DDX25: variants seen among roughly 807,000 people sequenced by gnomAD.
The protein encoded by DDX25 is ATP-dependent RNA helicase DDX25.
Under a neutral mutation model 64.6 loss-of-function variants are expected in DDX25, and 70 were observed. The observed-to-expected ratio is 1.08, with a 90% CI of 0.89 to 1.32. The LOEUF is 1.32. Among genes scored for constraint, DDX25 ranks in the 40% most tolerant of loss-of-function variants. DDX25 has a pLI of 0.00. For synonymous variants in DDX25, 211 were observed against 213.3 expected, an observed-to-expected ratio of 0.99 and a Z score of 0.09; for missense variants, 587 against 604.4, an observed-to-expected ratio of 0.97 and a Z score of 0.30.
In DDX25 at chr11:125,911,611, T is replaced by C. The variant is rs79008523; in HGVS notation, c.800+123T>C. 555 of 1,074,520 alleles carry C rather than the reference T, an allele frequency of 5.2e-4. 7 individuals carry two copies. In the East Asian group the frequency reaches 0.014, roughly 27 times the overall value. The allele number at this position is 1,074,520 out of a possible 1,614,324, so 66.6% of individuals were successfully genotyped here. On this transcript the variant is annotated intron_variant, in intron 8 of 11. Coordinates refer to ENST00000263576, the MANE Select transcript of DDX25 (RefSeq NM_013264.5). ...ACCACCTTCACCTCTAAAATAAATT[T>C]GAGTTTTTACATTATTTTCACCAGT...
chr11:125,912,218 A>G (rs1944976415), intron 8 of DDX25, among the ~76,000 whole-genome samples: 1 of 152,102 alleles, frequency 6.6e-6, no homozygotes, highest in South Asian at 2.1e-4. Flanking sequence ...ATGTATAGTC[A>G]TTGTCAACTG....
In DDX25 at chr11:125,921,294, G is replaced by A. The variant is rs548133056; in HGVS notation, c.1305G>A (p.Thr435=). Reference sequence around the variant, plus strand: ...CCTACCTCCACCGCATAGGGCGGACGGGGCGCTTTGGGAAAAAAGGCCTTG... The same window carrying A: ...CCTACCTCCACCGCATAGGGCGGACAGGGCGCTTTGGGAAAAAAGGCCTTG... ...YETYLHRIGR[T]GRFGKKGLAF... Residue 435 remains threonine, a synonymous_variant, in exon 11 of 12, where the codon ACG becomes ACA. Transcript: ENST00000263576. The surrounding 1 kb of genome is among the most constrained non-coding windows in gnomAD (Gnocchi z 4.1). The A allele has an allele frequency of 7.4e-6, 12 of 1,613,558 alleles. No homozygotes were observed. The highest frequency in any genetic ancestry group is 5.3e-5 in the African/African-American group (4 of 75,024).
chr11:125,920,749 CA>C (rs1402728821), intron 10 of DDX25, among the ~76,000 whole-genome samples: 1 of 152,094 alleles, frequency 6.6e-6, no homozygotes, highest in African/African-American at 2.4e-5. Flanking sequence ...GGCAAGGGCT[CA>C]AAAGACCTGA....
At position 125,926,222 on chromosome 11, in the gene DDX25, A is replaced by G. The variant is rs1190042253; in HGVS notation, c.*3341A>G. 6.6e-6 allele frequency: 1 copy of G among 152,372 alleles called. No individual in the cohort carries two copies. 9.4% of individuals were successfully genotyped at this position (152,372 alleles called of 1,614,324 possible). A position where few individuals can be genotyped will look rare whatever the true frequency, so the allele number is the denominator to read the frequency against. The stretch of plus-strand genomic sequence containing the variant: ...CTCACCCACATTGTACAGACAGCCC[A>G]TCATGCTCAGCCTTGCAGGAGGGTC... On this transcript the variant is annotated 3_prime_UTR_variant, in exon 12 of 12. Transcript: ENST00000263576.
In DDX25 at chr11:125,904,516, C is replaced by G. The variant is rs557791278; in HGVS notation, c.-2C>G. 10 of 1,490,772 alleles carry G rather than the reference C, an allele frequency of 6.7e-6. No individual in the cohort carries two copies. In the East Asian group the frequency reaches 7.9e-5, roughly 12 times the overall value. The allele number at this position is 1,490,772 out of a possible 1,614,324, so 92.3% of individuals were successfully genotyped here. ...CTGGGGGCGGGAGCAGCAATCGCAG[C>G]CATGGCGTCGTTACTGTGGGGAGGC... On this transcript the variant is annotated 5_prime_UTR_variant, in exon 1 of 12. Coordinates refer to ENST00000263576, the MANE Select transcript of DDX25 (RefSeq NM_013264.5).
rs375509873 is a variant in DDX25 at position 125,917,047 on chromosome 11, T to C, written c.834T>C (p.Phe278=). 3.1e-6 allele frequency: 5 copies of C among 1,606,406 alleles called. No individual in the cohort carries two copies. The African/African-American group carries it at 6.7e-5, about 21-fold the overall frequency. ...CCTCCGAATGCCAAATGCTCCTCTT[T>C]TCAGCAACCTTTGAGGACTCTGTGT... is the stretch of plus-strand genomic sequence containing the variant. The part of the protein sequence containing the change: ...ALPSECQMLL[F]SATFEDSVWH... Residue 278 remains phenylalanine, a synonymous_variant, in exon 9 of 12, where the codon TTT becomes TTC. Coordinates refer to ENST00000263576, the MANE Select transcript of DDX25 (RefSeq NM_013264.5).
chr11:125,907,596 A>G (rs2134274535), intron 4 of DDX25, among the ~76,000 whole-genome samples: 1 of 150,442 alleles, frequency 6.6e-6, no homozygotes, highest in African/African-American at 2.4e-5. Flanking sequence ...CGACAGAGCA[A>G]GACTCCGTCT....
chr11:125,907,356 C>T (rs1484987811), intron 4 of DDX25, among the ~76,000 whole-genome samples: 2 of 152,130 alleles, frequency 1.3e-5, no homozygotes, highest in Admixed American at 6.5e-5. Context: ...CGCCTGTAAT[C>T]CCAGCACTTT....
At chr11:125,904,842 AG>A in intron 1 of DDX25, 1 of 574,336 alleles carries the variant, frequency 1.7e-6, no homozygotes, top group Non-Finnish European at 3.1e-6. Context: ...TGGTAGTCCC[AG>A]CTAGACCCCG....
At chr11:125,903,433 A>G (rs977783378), upstream of DDX25, 4 of 156,904 alleles carry the variant, frequency 2.5e-5, no homozygotes, top group African/African-American at 9.6e-5. Context: ...GAAAAAAGGT[A>G]ATTTTTCAAA....
In DDX25 at chr11:125,911,614, G is replaced by A. The variant is rs901711030; in HGVS notation, c.800+126G>A. The A allele has an allele frequency of 1.7e-5, 17 of 1,026,566 alleles. No individual in the cohort carries two copies. The African/African-American group carries it at 2.8e-4, about 17-fold the overall frequency. The allele number at this position is 1,026,566 out of a possible 1,614,324, so 63.6% of individuals were successfully genotyped here. ...ACCTTCACCTCTAAAATAAATTTGA[G>A]TTTTTACATTATTTTCACCAGTTCA... On this transcript the variant is annotated intron_variant, in intron 8 of 11. Transcript: ENST00000263576.
intron 10 of DDX25, among the ~76,000 whole-genome samples, chr11:125,920,790 G>A (rs1374966233): frequency 1.3e-5 from 2 of 152,134 alleles, no homozygotes; most frequent in Non-Finnish European, 2.9e-5. Context: ...ACGGAGCAGA[G>A]CCAGAGCCCC....
intron 8 of DDX25, 87 bp downstream of exon 8, chr11:125,911,575 C>T (rs1944969776): frequency 3.8e-6 from 5 of 1,316,574 alleles, no homozygotes; most frequent in East Asian, 2.4e-5. Flanking sequence ...ATCTTTATTG[C>T]TTAACTCCTC....
rs1234589861 is a variant in DDX25 at position 125,913,113 on chromosome 11, A to G, written c.800+1625A>G. Among the ~76,000 whole-genome samples the G allele has an allele frequency of 1.2e-3, 176 of 149,786 alleles. 5 individuals carry two copies. The highest frequency in any genetic ancestry group is 2.8e-4 in the Non-Finnish European group (19 of 67,634). The stretch of plus-strand genomic sequence containing the variant: ...GCGGAGCTTGCAGTGAGCCGAGATC[A>G]CGCCACTGCACTACAGCCTGGGTGA... On this transcript the variant is annotated intron_variant, in intron 8 of 11. Coordinates refer to ENST00000263576, the MANE Select transcript of DDX25 (RefSeq NM_013264.5).
At chr11:125,904,147 CGGGGAGTCCGGGGGGCTCCCGCCT>C (rs1944838178), upstream of DDX25, among the ~76,000 whole-genome samples, 1 of 152,168 alleles carries the variant, frequency 6.6e-6, no homozygotes, top group African/African-American at 2.4e-5. Flanking sequence ...TAAAGCGCGG[CGGGGAGTCCGGGGGGCTCCCGCCT>C]GGAGGGCTGT....
intron 8 of DDX25, among the ~76,000 whole-genome samples, chr11:125,916,013 G>A (rs1364281390): frequency 6.6e-6 from 1 of 152,158 alleles, no homozygotes; most frequent in Admixed American, 6.5e-5. Flanking sequence ...AGATAACACA[G>A]GTAGACGGTC....
chr11:125,903,427 A>G (rs1171458740), upstream of DDX25: 1 of 159,398 alleles, frequency 6.3e-6, no homozygotes, highest in Non-Finnish European at 1.3e-5. Context: ...ATAATAGAAA[A>G]AAGGTAATTT....
chr11:125,905,929 A>G (rs1944877941), intron 3 of DDX25, 145 bp from the exon 4 acceptor site: 2 of 1,027,804 alleles, frequency 1.9e-6, no homozygotes, highest in East Asian at 2.6e-5. Flanking sequence ...CCTCAGTGCT[A>G]TATCATTCTT....
Position 125,918,749 on chromosome 11 carries a change from G to A in DDX25, c.1160G>A (p.Gly387Glu), listed in dbSNP as rs372044033. 6.2e-6 allele frequency: 10 copies of A among 1,605,752 alleles called. No individual in the cohort carries two copies. Among genetic ancestry groups the A allele is most frequent in the Non-Finnish European group, 8.5e-6 (10 of 1,175,918 alleles). ...RASIIQRFRDGKEKVLITTNV... is the reference protein window; with the variant it reads ...RASIIQRFRDEKEKVLITTNV... ...TCCATCATTCAGAGGTTTCGGGATG[G>A]GAAAGAGAAGGTTCTCATAACAACT... The change falls in exon 10 of 12, where the codon GGG becomes GAG. Residue 387 changes from glycine (G) to glutamate (E), a missense_variant. Physicochemically the swap from Gly to Glu is moderately conservative, Grantham distance 98. Coordinates refer to ENST00000263576, the MANE Select transcript of DDX25 (RefSeq NM_013264.5).
Sources: allele counts gnomAD v4.1 joint callset (sites outside exome capture counted in the v4.1 genomes callset), GRCh38; gene constraint gnomAD v4.1.1; non-coding constraint Gnocchi (gnomAD v3.1); transcripts MANE v1.5; gene names NCBI Gene and HGNC (gene_info 2026-07-23, HGNC 2026-07-21).